The following RSPH9 variants were observed in gnomAD, a reference collection of about 807,000 sequenced individuals.
RSPH9 encodes the protein radial spoke head component 9.
Under a neutral mutation model 27.0 loss-of-function variants are expected in RSPH9, and 27 were observed. The ratio of observed to expected loss-of-function variants is 1.00; its 90% confidence interval spans 0.74 to 1.38. RSPH9 has a LOEUF of 1.38. Ranked by LOEUF, RSPH9 falls within the 40% of genes most tolerant of loss-of-function variation. The pLI is 0.00. For missense variants in RSPH9, 347 were observed against 357.4 expected (o/e 0.97, Z 0.24); for synonymous variants, 145 against 147.7 (o/e 0.98, Z 0.13).
chr6:43,658,795 C>T (rs1466030332), intron 4 of RSPH9, among the ~76,000 whole-genome samples: 4 of 152,302 alleles, frequency 2.6e-5, no homozygotes, highest in East Asian at 1.9e-4. Context: ...CCGCCTACCT[C>T]GACCTTCCAA....
At chr6:43,650,651 A>G in intron 2 of RSPH9, 111 bp downstream of exon 2, 1 of 1,138,336 alleles carries the variant, frequency 8.8e-7, no homozygotes, top group Admixed American at 1.9e-5. Context: ...TCACGCCTGT[A>G]ATCTCAGCAC....
intron 4 of RSPH9, among the ~76,000 whole-genome samples, chr6:43,665,912 G>A (rs781025536): frequency 1.1e-4 from 17 of 151,988 alleles, no homozygotes; most frequent in South Asian, 6.2e-4. Flanking sequence ...TGCAACCTCC[G>A]CCTCCCAGGA....
At chr6:43,653,233 C>T (rs1582382766) in intron 2 of RSPH9, among the ~76,000 whole-genome samples, 1 of 151,996 alleles carries the variant, frequency 6.6e-6, no homozygotes, top group South Asian at 2.1e-4. Flanking sequence ...GGGCAGATCA[C>T]GAGGTCAGGA....
At chr6:43,655,988 A>ACTTACTTCCTTCCTTCCTTCCTTC (rs745382908) in intron 3 of RSPH9, among the ~76,000 whole-genome samples, 1 of 113,616 alleles carries the variant, frequency 8.8e-6, no homozygotes, top group Admixed American at 9.4e-5. Context: ...TCCTCCTTGG[A>ACTTACTTCCTTCCTTCCTTCCTTC]CTTCCTTCCT....
rs529846055 is a variant in RSPH9 at position 43,671,204 on chromosome 6, T to C, written c.*255T>C. 350 of 581,802 alleles carry C rather than the reference T, an allele frequency of 6.0e-4. 5 individuals carry two copies. The South Asian group carries it at 6.5e-3, about 11-fold the overall frequency. 36.0% of individuals were successfully genotyped at this position (581,802 alleles called of 1,614,324 possible). A position where few individuals can be genotyped will look rare whatever the true frequency, so the allele number is the denominator to read the frequency against. ...GAGAAGGTGACAACCAGGGCCCCTT[T>C]GAGGAACGCAGTTTCTTGGATTCAC... is the stretch of plus-strand genomic sequence containing the variant. On this transcript the variant is annotated 3_prime_UTR_variant, in exon 5 of 5. Coordinates refer to ENST00000372163, the MANE Select transcript of RSPH9 (RefSeq NM_152732.5).
At chr6:43,661,422 A>G (rs534145475) in intron 4 of RSPH9, among the ~76,000 whole-genome samples, 1 of 152,178 alleles carries the variant, frequency 6.6e-6, no homozygotes, top group Non-Finnish European at 1.5e-5. Context: ...ACACTTTGGG[A>G]GGCCGAGGTG....
chr6:43,645,087 GC>G lies in RSPH9; in HGVS notation c.-10del, dbSNP rs1561934610. On this transcript the variant is annotated 5_prime_UTR_variant, in exon 1 of 5. An upstream open reading frame in the 5' UTR loses its in-frame stop. Transcript: ENST00000372163. ...AGCAACTCGACGGGCGTTGAGCGGAGCCGCTGACCTGATGGACGCCGACAGC... is the reference window on the plus strand; with the variant it reads ...AGCAACTCGACGGGCGTTGAGCGGAGCGCTGACCTGATGGACGCCGACAGC... The G allele has an allele frequency of 6.2e-7, 1 of 1,608,512 alleles. No homozygotes were observed. The highest frequency in any genetic ancestry group is 1.7e-5 in the Admixed American group (1 of 60,006).
intron 4 of RSPH9, among the ~76,000 whole-genome samples, chr6:43,668,882 G>T (rs1017557392): frequency 4.6e-5 from 7 of 152,236 alleles, no homozygotes; most frequent in African/African-American, 1.7e-4. Context: ...GGGTGACCAA[G>T]TGAGGGAATC....
chr6:43,654,236 CTA>C (rs1446978707), intron 2 of RSPH9, among the ~76,000 whole-genome samples: 1 of 152,152 alleles, frequency 6.6e-6, no homozygotes, highest in Non-Finnish European at 1.5e-5. Flanking sequence ...CACAAAATCT[CTA>C]TGAAATCCTT....
In RSPH9 at chr6:43,645,324, A is replaced by G; in HGVS notation, c.226A>G (p.Ser76Gly). ...GCTCGCACCGCGCAAGACGCTCTATAGGTGAGGAGGCCCCCGGGACGGGCT... is the reference window on the plus strand; with the variant it reads ...GCTCGCACCGCGCAAGACGCTCTATGGGTGAGGAGGCCCCCGGGACGGGCT... ...DQLAPRKTLY[S>G]LNCTEWSLLP... The change falls in exon 1 of 5, where the codon AGC (serine) becomes GGC (glycine). Residue 76 changes from serine to glycine, a missense_variant and splice_region_variant. Ser to Gly is a moderately conservative substitution (Grantham distance 56). Coordinates refer to ENST00000372163, the MANE Select transcript of RSPH9 (RefSeq NM_152732.5). 1.6e-6 allele frequency: 2 copies of G among 1,254,028 alleles called. No homozygotes were observed. The highest frequency in any genetic ancestry group is 2.1e-6 in the Non-Finnish European group (2 of 970,302). The allele number at this position is 1,254,028 out of a possible 1,614,324, so 77.7% of individuals were successfully genotyped here. A position where few individuals can be genotyped will look rare whatever the true frequency, so the allele number is the denominator to read the frequency against.
At position 43,650,437 on chromosome 6, in the gene RSPH9, CTG is replaced by C. The variant is rs1309392846; in HGVS notation, c.293_294del (p.Val98GlyfsTer14). On this transcript the variant is annotated frameshift_variant, in exon 2 of 5. Transcript: ENST00000372163. LOFTEE classifies it high-confidence loss of function. ...ACAGAGGAGATGGTGGCGCAGTCGT[CTG>C]TGGTGAAGGGCCGCTTCATGGGGGA... The C allele has an allele frequency of 1.4e-5, 23 of 1,614,018 alleles. No homozygotes were observed. The highest frequency in any genetic ancestry group is 1.7e-4 in the Middle Eastern group (1 of 6,048).
In RSPH9 at chr6:43,659,678, G is replaced by A. The variant is rs1004482351; in HGVS notation, c.670+2955G>A. 4.6e-5 allele frequency among the ~76,000 whole-genome samples: 7 copies of A among 150,994 alleles called. No homozygotes were observed. In the South Asian group the frequency reaches 1.0e-3, roughly 23 times the overall value. The stretch of plus-strand genomic sequence containing the variant: ...ATTACAGGCGTGAGCCACCCCGCCC[G>A]GCCCATGTTCGGCTAATTTTTGTAT... On this transcript the variant is annotated intron_variant, in intron 4 of 4. Coordinates refer to ENST00000372163, the MANE Select transcript of RSPH9 (RefSeq NM_152732.5).
At position 43,672,254 on chromosome 6, in the gene RSPH9, G is replaced by A; in HGVS notation, c.*1305G>A. The A allele has an allele frequency of 2.3e-6, 1 of 432,560 alleles. No individual in the cohort carries two copies. The highest frequency in any genetic ancestry group is 1.9e-5 in the South Asian group (1 of 53,090). The allele number at this position is 432,560 out of a possible 1,614,324, so 26.8% of individuals were successfully genotyped here. Reference sequence around the variant, plus strand: ...TCATTCCTCTCTGGCCTCAGCCATGGGGCGAGAAGAGCTGATGTAAGGCTC... The same window carrying A: ...TCATTCCTCTCTGGCCTCAGCCATGAGGCGAGAAGAGCTGATGTAAGGCTC... On this transcript the variant is annotated 3_prime_UTR_variant, in exon 5 of 5. Coordinates refer to ENST00000372163, the MANE Select transcript of RSPH9 (RefSeq NM_152732.5).
At chr6:43,650,924 AG>A (rs1771401452) in intron 2 of RSPH9, among the ~76,000 whole-genome samples, 1 of 150,802 alleles carries the variant, frequency 6.6e-6, no homozygotes, top group South Asian at 2.1e-4. Context: ...AAAAAAGAAA[AG>A]AAAAAAAAGA....
intron 4 of RSPH9, among the ~76,000 whole-genome samples, chr6:43,667,743 G>A (rs1773291647): frequency 6.6e-6 from 1 of 152,132 alleles, no homozygotes; most frequent in African/African-American, 2.4e-5. Flanking sequence ...GGCCCTTGTA[G>A]GGGATGGGGG....
At position 43,650,541 on chromosome 6, in the gene RSPH9, G is replaced by A. The variant is rs1054247330; in HGVS notation, c.393+1G>A. 1.2e-5 allele frequency: 20 copies of A among 1,614,024 alleles called. No homozygotes were observed. The highest frequency in any genetic ancestry group is 1.7e-5 in the Non-Finnish European group (20 of 1,179,948). On this transcript the variant is annotated splice_donor_variant, in intron 2 of 4. Coordinates refer to ENST00000372163, the MANE Select transcript of RSPH9 (RefSeq NM_152732.5). LOFTEE classifies it high-confidence loss of function. ...AAAAGTCTTTGAAGAAGAAATAGTG[G>A]TGAGTGAAGAGGAGAGCAGGAGGAG... is the stretch of plus-strand genomic sequence containing the variant.
In RSPH9 at chr6:43,671,764, AGT is replaced by A. The variant is rs765222998; in HGVS notation, c.*817_*818del. The A allele has an allele frequency of 6.2e-7, 1 of 1,614,228 alleles. No homozygotes were observed. The highest frequency in any genetic ancestry group is 2.2e-5 in the East Asian group (1 of 44,894). On this transcript the variant is annotated 3_prime_UTR_variant, in exon 5 of 5. Transcript: ENST00000372163. ...AACTCTGGAAGCACTGCTCTCTGTC[AGT>A]GATACAGCTTCCAAGGTGTTCTTGA...
At chr6:43,647,286 C>T (rs1397081361) in intron 1 of RSPH9, among the ~76,000 whole-genome samples, 1 of 151,828 alleles carries the variant, frequency 6.6e-6, no homozygotes, top group East Asian at 1.9e-4. Flanking sequence ...GTTCTAGAGG[C>T]AAAAGGATAT....
At position 43,645,297 on chromosome 6, in the gene RSPH9, C is replaced by T. The variant is rs1254386140; in HGVS notation, c.199C>T (p.Gln67Ter). 12 of 1,613,250 alleles carry T rather than the reference C, an allele frequency of 7.4e-6. No homozygotes were observed. Among genetic ancestry groups the T allele is most frequent in the Non-Finnish European group, 7.6e-6 (9 of 1,179,954 alleles). The part of the protein sequence containing the change: ...YYIAQGLSED[Q>*]LAPRKTLYSL... ...CATCGCGCAGGGCCTGAGTGAGGAC[C>T]AGCTCGCACCGCGCAAGACGCTCTA... The change falls in exon 1 of 5, where the codon CAG becomes TAG. Residue 67 changes from glutamine to a stop codon, truncating the protein, a stop_gained. Coordinates refer to ENST00000372163, the MANE Select transcript of RSPH9 (RefSeq NM_152732.5). LOFTEE classifies it high-confidence loss of function.
Sources: allele counts gnomAD v4.1 joint callset (sites outside exome capture counted in the v4.1 genomes callset), GRCh38; gene constraint gnomAD v4.1.1; transcripts MANE v1.5; gene names NCBI Gene and HGNC (gene_info 2026-07-23, HGNC 2026-07-21).